The following PDZRN3 variants were observed in gnomAD, a reference collection of about 807,000 sequenced individuals.
The protein encoded by PDZRN3 is E3 ubiquitin-protein ligase PDZRN3.
A neutral mutation model predicts 85.7 loss-of-function variants in PDZRN3; 38 were observed. The ratio of observed to expected loss-of-function variants is 0.44; its 90% CI spans 0.34 to 0.58. The LOEUF (loss-of-function observed/expected upper bound fraction) is 0.58. Ranked by LOEUF, PDZRN3 falls within the 20% of genes least tolerant of loss-of-function variation. PDZRN3 has a pLI of 0.01. For missense variants in PDZRN3, 1,629 were observed against 1,506.4 expected (o/e 1.08, Z -1.35); for synonymous variants, 759 against 638.0 (o/e 1.19, Z -2.86).
chr3:73,454,427 T>C (rs1702937775), intron 3 of PDZRN3, among the ~76,000 whole-genome samples: 7 of 152,160 alleles, frequency 4.6e-5, no homozygotes, highest in Admixed American at 4.6e-4. Context: ...TCAATGTGTC[T>C]CCAGACCACT....
intron 3 of PDZRN3, among the ~76,000 whole-genome samples, chr3:73,452,207 C>T (rs1013984968): frequency 1.8e-4 from 27 of 151,854 alleles, no homozygotes; most frequent in Admixed American, 1.6e-3. Context: ...CACAGATAGA[C>T]GCTCTCAGGG....
chr3:73,383,931 G>T lies in PDZRN3; in HGVS notation c.2635C>A (p.His879Asn). 1 of 1,608,286 alleles carries T rather than the reference G, an allele frequency of 6.2e-7. No homozygotes were observed. ...ATCAGCTGCATGTAGCTCTGGTAGT[G>T]CTGGGCGTGCGCCGGGATGTGCGCG... ...KHAHIPAHAQ[H>N]YQSYMQLIQQ... The change falls in exon 10 of 10, where the codon CAC (histidine) becomes AAC (asparagine). Residue 879 changes from histidine (H) to asparagine (N), a missense_variant. By Grantham distance (68) the His-to-Asn change is moderately conservative. Coordinates refer to ENST00000263666, the MANE Select transcript of PDZRN3 (RefSeq NM_015009.3).
intron 3 of PDZRN3, among the ~76,000 whole-genome samples, chr3:73,564,987 TG>T (rs1296751993): frequency 6.6e-6 from 1 of 152,184 alleles, no homozygotes; most frequent in African/African-American, 2.4e-5. Flanking sequence ...TTTCTACATC[TG>T]CATTATCAAA....
intron 1 of PDZRN3, among the ~76,000 whole-genome samples, chr3:73,616,147 G>A (rs922170648): frequency 3.0e-4 from 45 of 152,316 alleles, no homozygotes; most frequent in African/African-American, 9.9e-4. Context: ...GCACATGCAG[G>A]CTAGTCTTTG....
chr3:73,600,337 A>ACACACACTCTCTCTCTCTCTCTCTCTCT (rs34405662), intron 3 of PDZRN3, among the ~76,000 whole-genome samples: 6 of 100,070 alleles, frequency 6.0e-5, no homozygotes, highest in African/African-American at 2.6e-4. Context: ...ACACACACAC[A>ACACACACTCTCTCTCTCTCTCTCTCTCT]CTCTCTCTCT....
At chr3:73,614,599 T>C (rs1397885860) in intron 1 of PDZRN3, among the ~76,000 whole-genome samples, 4 of 152,146 alleles carry the variant, frequency 2.6e-5, no homozygotes, top group Non-Finnish European at 5.9e-5. Flanking sequence ...CAGCCTCAGA[T>C]TATGCAAAGT....
chr3:73,500,720 C>T (rs1703960938), intron 3 of PDZRN3, among the ~76,000 whole-genome samples: 1 of 152,140 alleles, frequency 6.6e-6, no homozygotes, highest in African/African-American at 2.4e-5. Context: ...AGCTGGGTCA[C>T]CCCTTTAAAC....
At chr3:73,415,783 G>C (rs1391842009) in intron 3 of PDZRN3, among the ~76,000 whole-genome samples, 3 of 152,106 alleles carry the variant, frequency 2.0e-5, no homozygotes, top group Non-Finnish European at 4.4e-5. Flanking sequence ...ACTTAAAATG[G>C]GTTTAAGATG....
At chr3:73,479,228 C>T (rs1395670118) in intron 3 of PDZRN3, among the ~76,000 whole-genome samples, 1 of 152,190 alleles carries the variant, frequency 6.6e-6, no homozygotes, top group Non-Finnish European at 1.5e-5. Flanking sequence ...AAAACTGCCA[C>T]TCTGAGCATC....
At chr3:73,622,818 A>G (rs891391606) in intron 1 of PDZRN3, among the ~76,000 whole-genome samples, 2 of 152,328 alleles carry the variant, frequency 1.3e-5, no homozygotes, top group Non-Finnish European at 2.9e-5. Flanking sequence ...TAGGTAATGC[A>G]TGTAAAGTAC....
chr3:73,442,862 T>C (rs1053536191), intron 3 of PDZRN3, among the ~76,000 whole-genome samples: 1 of 152,260 alleles, frequency 6.6e-6, no homozygotes, highest in Admixed American at 6.5e-5. Flanking sequence ...ACTGGCCACT[T>C]TCAGCTGGAG....
At chr3:73,391,173 A>C (rs1056103944) in intron 5 of PDZRN3, 57 bp from the exon 6 acceptor site, 2 of 1,012,860 alleles carry the variant, frequency 2.0e-6, no homozygotes, top group African/African-American at 3.2e-5. Flanking sequence ...AGTTGAGGGG[A>C]TGTCAAATGC....
intron 3 of PDZRN3, among the ~76,000 whole-genome samples, chr3:73,424,839 C>A (rs1171860188): frequency 6.6e-6 from 1 of 152,130 alleles, no homozygotes; most frequent in Non-Finnish European, 1.5e-5. Context: ...GATACCGCTT[C>A]ATATTCACTA....
intron 3 of PDZRN3, among the ~76,000 whole-genome samples, chr3:73,493,599 C>T (rs764582466): frequency 6.6e-6 from 1 of 152,090 alleles, no homozygotes; most frequent in African/African-American, 2.4e-5. Context: ...TGTTTCTGCC[C>T]GCCCTCATCC....
At chr3:73,393,717 C>T (rs1024169558) in intron 5 of PDZRN3, among the ~76,000 whole-genome samples, 10 of 152,106 alleles carry the variant, frequency 6.6e-5, no homozygotes, top group African/African-American at 1.2e-4. Flanking sequence ...TGAGTATTTT[C>T]GTTCCTTGCT....
At chr3:73,419,770 T>A (rs141920083) in intron 3 of PDZRN3, among the ~76,000 whole-genome samples, 126 of 152,336 alleles carry the variant, frequency 8.3e-4, no homozygotes, top group African/African-American at 2.3e-3. Flanking sequence ...CGTGTCTTAA[T>A]TGCTATCGCA....
chr3:73,384,405 G>A lies in PDZRN3; in HGVS notation c.2161C>T (p.Leu721=). 6.2e-7 allele frequency: 1 copy of A among 1,609,832 alleles called. No individual in the cohort carries two copies. Among genetic ancestry groups the A allele is most frequent in the Non-Finnish European group, 8.5e-7 (1 of 1,179,944 alleles). ...TAGTTGCGGAAGCCGCTGTTGTGCA[G>A]CATCCAGGACTCGCGGTACTGCTCC... ...LKEQYRESWM[L]HNSGFRNYNT... is the part of the protein sequence containing the mutation. The change falls in exon 10 of 10, where the codon CTG becomes TTG. Residue 721 remains leucine, a synonymous_variant. Transcript: ENST00000263666.
Position 73,624,937 on chromosome 3 carries a change from G to T in PDZRN3, c.-112C>A. 2 of 798,532 alleles carry T rather than the reference G, an allele frequency of 2.5e-6. No homozygotes were observed. The highest frequency in any genetic ancestry group is 1.8e-5 in the African/African-American group (1 of 55,682). The allele number at this position is 798,532 out of a possible 1,614,324, so 49.5% of individuals were successfully genotyped here. On this transcript the variant is annotated 5_prime_UTR_variant, in exon 1 of 10. Transcript: ENST00000263666. ...GCCCGCGCGCTCGCTGGCTCTCCCC[G>T]GACTGAGCCTAATTGATCCAGACTT... is the stretch of plus-strand genomic sequence containing the variant.
At chr3:73,455,424 T>A (rs542135198) in intron 3 of PDZRN3, among the ~76,000 whole-genome samples, 78 of 152,338 alleles carry the variant, frequency 5.1e-4, no homozygotes, top group African/African-American at 1.8e-3. Context: ...GATGCTGTGC[T>A]GACATTAAGA....
Sources: allele counts gnomAD v4.1 joint callset (sites outside exome capture counted in the v4.1 genomes callset), GRCh38; gene constraint gnomAD v4.1.1; transcripts MANE v1.5; gene names NCBI Gene and HGNC (gene_info 2026-07-23, HGNC 2026-07-21).